Variants in DAPK2 observed in about 807,000 individuals in gnomAD.
The protein encoded by DAPK2 is death associated protein kinase 2.
In DAPK2, 35 loss-of-function variants were observed where a neutral mutation model predicts 44.1. The observed-to-expected ratio is 0.79, with a 90% CI of 0.61 to 1.05. The LOEUF (loss-of-function observed/expected upper bound fraction) is 1.05, where lower values mean the gene tolerates loss of function less well. DAPK2 is among the 50% of genes least tolerant of loss of function. The pLI, the probability that DAPK2 is intolerant of heterozygous loss-of-function variation, is 0.00. For synonymous variants in DAPK2, 174 were observed against 182.6 expected (o/e 0.95, Z 0.38); for missense variants, 453 against 483.2 (o/e 0.94, Z 0.59).
At chr15:63,924,716 A>G (rs2079188030) in intron 8 of DAPK2, 100 bp downstream of exon 9, 1 of 1,354,544 alleles carries the variant, frequency 7.4e-7, no homozygotes. Context: ...TGTTTAAAGC[A>G]AAGGCCTCTC....
At chr15:64,012,477 T>C (rs908949126) in intron 1 of DAPK2, among the ~76,000 whole-genome samples, 3 of 152,198 alleles carry the variant, frequency 2.0e-5, no homozygotes, top group African/African-American at 7.2e-5. Context: ...TGCAGATGTA[T>C]GTAAAAAGAT....
intron 4 of DAPK2, among the ~76,000 whole-genome samples, chr15:63,933,331 C>T (rs1029198128): frequency 2.0e-5 from 3 of 152,182 alleles, no homozygotes; most frequent in Admixed American, 2.0e-4. Context: ...GCAACCTCCA[C>T]CTCCTGGGTT....
upstream of DAPK2, among the ~76,000 whole-genome samples, chr15:64,040,650 A>G (rs77714294): frequency 6.6e-6 from 1 of 152,046 alleles, no homozygotes; most frequent in Admixed American, 6.6e-5. Flanking sequence ...GGTGCTCACA[A>G]CTGTAATCCC....
intron 1 of DAPK2, among the ~76,000 whole-genome samples, chr15:64,031,869 C>T (rs1008488720): frequency 3.9e-5 from 6 of 152,120 alleles, no homozygotes; most frequent in Non-Finnish European, 7.4e-5. Flanking sequence ...AATGTATGTC[C>T]GGTAAATGGA....
intron 1 of DAPK2, among the ~76,000 whole-genome samples, chr15:64,005,303 C>T (rs141776945): frequency 6.6e-6 from 1 of 151,520 alleles, no homozygotes; most frequent in Non-Finnish European, 1.5e-5. Flanking sequence ...AATTTCAAAC[C>T]CTTTGATTCA....
rs374590328 is a variant in DAPK2 at position 64,021,211 on chromosome 15, G to A, written c.92+18959C>T. On this transcript the variant is annotated intron_variant, in intron 1 of 10. Transcript: ENST00000261891. ...GTGGGGTTCAGTCTCAGTCACTTTC[G>A]GGAGGAACAGGACAGCGGCCCCCAG... 2.2e-4 allele frequency among the ~76,000 whole-genome samples: 33 copies of A among 152,252 alleles called. No individual in the cohort carries two copies. In the South Asian group the frequency reaches 4.3e-3, roughly 20 times the overall value.
intron 1 of DAPK2, among the ~76,000 whole-genome samples, chr15:64,017,662 T>C (rs1041338472): frequency 1.3e-5 from 2 of 152,242 alleles, no homozygotes; most frequent in African/African-American, 4.8e-5. Flanking sequence ...GCCTCGGTTT[T>C]CTCTTTTGTA....
chr15:63,974,095 C>T (rs1344649271), intron 2 of DAPK2, among the ~76,000 whole-genome samples: 1 of 152,174 alleles, frequency 6.6e-6, no homozygotes. Flanking sequence ...CTTTTTCACA[C>T]TCTACATTCT....
chr15:63,974,466 T>G (rs2078293438), intron 2 of DAPK2, among the ~76,000 whole-genome samples: 1 of 152,170 alleles, frequency 6.6e-6, no homozygotes, highest in Admixed American at 6.5e-5. Flanking sequence ...GATAGGGGGT[T>G]GGGAGGGCTT....
chr15:64,002,065 C>T (rs956830538), intron 1 of DAPK2, among the ~76,000 whole-genome samples: 1 of 152,174 alleles, frequency 6.6e-6, no homozygotes, highest in Non-Finnish European at 1.5e-5. Flanking sequence ...CACATGAATC[C>T]TCTCATTTTA....
chr15:63,981,450 C>A (rs2078509646), intron 2 of DAPK2, among the ~76,000 whole-genome samples: 1 of 151,996 alleles, frequency 6.6e-6, no homozygotes. Context: ...TACTGGTATG[C>A]AATTCAGTGA....
intron 1 of DAPK2, among the ~76,000 whole-genome samples, chr15:63,997,029 C>T (rs1054645695): frequency 1.3e-5 from 2 of 152,204 alleles, no homozygotes; most frequent in African/African-American, 4.8e-5. Context: ...CTTAGAAGCA[C>T]ATCTTCCTCT....
intron 7 of DAPK2, among the ~76,000 whole-genome samples, chr15:63,925,646 G>A (rs11853632): frequency 6.7e-6 from 1 of 150,118 alleles, no homozygotes; most frequent in African/African-American, 2.5e-5. Flanking sequence ...ACAAGGTAAT[G>A]AGCCCTAAAG....
chr15:64,007,022 GCCCACCC>G (rs2079249081), intron 1 of DAPK2, among the ~76,000 whole-genome samples: 1 of 152,028 alleles, frequency 6.6e-6, no homozygotes, highest in Non-Finnish European at 1.5e-5. Context: ...GCAGTGGTGG[GCCCACCC>G]TCACTTTACT....
At chr15:64,035,022 G>C (rs2080138322) in intron 1 of DAPK2, among the ~76,000 whole-genome samples, 2 of 152,134 alleles carry the variant, frequency 1.3e-5, no homozygotes, top group South Asian at 2.1e-4. Context: ...ACAAAAATTA[G>C]CCAGGCATGG....
chr15:64,023,522 C>T (rs1451679529), intron 1 of DAPK2, among the ~76,000 whole-genome samples: 1 of 152,210 alleles, frequency 6.6e-6, no homozygotes, highest in African/African-American at 2.4e-5. Flanking sequence ...AACCAACTCA[C>T]TCAATCAAGG....
At chr15:64,026,377 A>G (rs781728479) in intron 1 of DAPK2, among the ~76,000 whole-genome samples, 3 of 151,972 alleles carry the variant, frequency 2.0e-5, no homozygotes, top group Non-Finnish European at 4.4e-5. Context: ...CCAGGTAGCT[A>G]GGACTACAGG....
At chr15:63,995,797 C>T (rs1244271847) in intron 1 of DAPK2, among the ~76,000 whole-genome samples, 1 of 152,204 alleles carries the variant, frequency 6.6e-6, no homozygotes, top group Admixed American at 6.5e-5. Flanking sequence ...CAGAGCGTGC[C>T]TGGTGCCCCC....
intron 1 of DAPK2, among the ~76,000 whole-genome samples, chr15:64,011,042 T>C (rs2079377101): frequency 1.3e-5 from 2 of 151,928 alleles, no homozygotes; most frequent in African/African-American, 4.8e-5. Context: ...AGGGCCCCAC[T>C]CATGGTAGGC....
Sources: allele counts gnomAD v4.1 joint callset (sites outside exome capture counted in the v4.1 genomes callset), GRCh38; gene constraint gnomAD v4.1.1; transcripts MANE v1.5; gene names NCBI Gene and HGNC (gene_info 2026-07-23, HGNC 2026-07-21).